The following COQ8A variants were observed in gnomAD, a reference collection of about 807,000 sequenced individuals.
The protein encoded by COQ8A is coenzyme Q8A.
Under a neutral mutation model 65.0 loss-of-function variants are expected in COQ8A, and 51 were observed. That is an observed-to-expected ratio of 0.78 (90% confidence interval 0.63 to 0.99). The LOEUF (loss-of-function observed/expected upper bound fraction) is 0.99. Ranked by LOEUF, COQ8A falls within the 50% of genes least tolerant of loss-of-function variation. The probability of loss-of-function intolerance (pLI) is 0.00; values close to 1 mark genes in which losing one functional copy is unlikely to be tolerated. For missense variants in COQ8A, 940 were observed against 875.0 expected (o/e 1.07, Z -0.94); for synonymous variants, 371 against 353.2 (o/e 1.05, Z -0.57).
At chr1:226,974,836 T>C (rs1659097454) in intron 4 of COQ8A, 2 of 152,698 alleles carry the variant, frequency 1.3e-5, no homozygotes, top group South Asian at 2.1e-4. Context: ...ATTTGTTTAA[T>C]AACAGGTCCT....
chr1:226,978,623 C>T (rs1233509718), intron 5 of COQ8A, among the ~76,000 whole-genome samples: 2 of 90,088 alleles, frequency 2.2e-5, no homozygotes, highest in Admixed American at 1.0e-4. Flanking sequence ...GCCCACCTTA[C>T]ACTCCACACA....
intron 1 of COQ8A, among the ~76,000 whole-genome samples, chr1:226,945,791 G>T (rs577778121): frequency 6.6e-6 from 1 of 152,208 alleles, no homozygotes; most frequent in African/African-American, 2.4e-5. Context: ...AGACAGGGAC[G>T]GGGGTGACGC....
intron 4 of COQ8A, among the ~76,000 whole-genome samples, chr1:226,975,963 C>A (rs2148095629): frequency 6.6e-6 from 1 of 152,332 alleles, no homozygotes; most frequent in Non-Finnish European, 1.5e-5. Context: ...TGGAAACATG[C>A]AAGCAGATGC....
chr1:226,980,966 G>A (rs374223456), intron 5 of COQ8A, among the ~76,000 whole-genome samples: 5 of 152,366 alleles, frequency 3.3e-5, no homozygotes, highest in South Asian at 2.1e-4. Context: ...CCACCCGAGC[G>A]CTGTGCCAGG....
At chr1:226,956,122 GTTCACA>G in intron 1 of COQ8A, among the ~76,000 whole-genome samples, 1 of 127,574 alleles carries the variant, frequency 7.8e-6, no homozygotes, top group African/African-American at 3.3e-5. Flanking sequence ...ACTCTCCCTG[GTTCACA>G]CTCTCCCTGG....
At chr1:226,941,550 G>A (rs1445548659) in intron 1 of COQ8A, among the ~76,000 whole-genome samples, 1 of 151,898 alleles carries the variant, frequency 6.6e-6, no homozygotes, top group African/African-American at 2.4e-5. Flanking sequence ...GTGGATCACC[G>A]TAGGTCAGGA....
At chr1:226,982,185 G>A (rs765876759) in intron 6 of COQ8A, 36 bp downstream of exon 6, 48 of 1,547,904 alleles carry the variant, frequency 3.1e-5, no homozygotes, top group East Asian at 2.2e-4. Flanking sequence ...CCGGGACTGC[G>A]TGGGCTGCTG....
At chr1:226,968,030 T>G (rs1192751821) in intron 4 of COQ8A, among the ~76,000 whole-genome samples, 1 of 152,180 alleles carries the variant, frequency 6.6e-6, no homozygotes. Context: ...AACTGTGAAA[T>G]TAATTTAATG....
chr1:226,966,071 G>A (rs966569124), intron 4 of COQ8A, among the ~76,000 whole-genome samples: 16 of 152,242 alleles, frequency 1.1e-4, no homozygotes, highest in Non-Finnish European at 2.1e-4. Context: ...ACTACCAGTC[G>A]GCTGCTTTGG....
At chr1:226,948,455 A>T (rs1449053867) in intron 1 of COQ8A, among the ~76,000 whole-genome samples, 1 of 152,134 alleles carries the variant, frequency 6.6e-6, no homozygotes, top group African/African-American at 2.4e-5. Flanking sequence ...TAACATTCAC[A>T]GGTTCTGGGG....
chr1:226,955,557 TGGCTCCCACTCCCTG>T (rs1657658629), intron 1 of COQ8A, among the ~76,000 whole-genome samples: 1 of 25,120 alleles, frequency 4.0e-5, no homozygotes, highest in Non-Finnish European at 7.8e-5. Flanking sequence ...ACACTCTCCC[TGGCTCCCACTCCCTG>T]GGTTCACACT....
At chr1:226,952,936 A>G (rs1657475960) in intron 1 of COQ8A, among the ~76,000 whole-genome samples, 1 of 152,122 alleles carries the variant, frequency 6.6e-6, no homozygotes, top group Non-Finnish European at 1.5e-5. Context: ...AAAAGGAAAG[A>G]TGATAGTTTT....
intron 5 of COQ8A, among the ~76,000 whole-genome samples, chr1:226,980,631 T>G (rs75568667): frequency 0.029 from 4,475 of 152,302 alleles, 240 homozygotes; most frequent in African/African-American, 0.1. Flanking sequence ...CCCAGCCCTC[T>G]TGGACTCGCT....
chr1:226,984,771 G>A, intron 12 of COQ8A, 105 bp from the exon 13 acceptor site: 2 of 1,489,854 alleles, frequency 1.3e-6, no homozygotes, highest in Non-Finnish European at 1.9e-6. Flanking sequence ...TCAGGGCTCT[G>A]GGAGTGGGGA....
intron 2 of COQ8A, 80 bp from the exon 3 acceptor site, chr1:226,964,920 G>A: frequency 6.5e-7 from 1 of 1,533,594 alleles, no homozygotes; most frequent in Non-Finnish European, 8.9e-7. Flanking sequence ...GTGGTGTGCT[G>A]TCCTGGGCAG....
chr1:226,965,019 A>C lies in COQ8A; in HGVS notation c.197A>C (p.Glu66Ala). Reference protein sequence around the residue: ...GKVQGQDKHEEYFAENFGGPE... With the variant: ...GKVQGQDKHEAYFAENFGGPE... ...CTGCAGGGTCAGGATAAACATGAAG[A>C]ATATTTTGCTGAGAACTTCGGCGGC... Residue 66 changes from glutamate to alanine, a missense_variant, in exon 3 of 15, where the codon GAA becomes GCA. By Grantham distance (107) the Glu-to-Ala change is moderately radical. Transcript: ENST00000366777. 5 of 1,614,064 alleles carry C rather than the reference A, an allele frequency of 3.1e-6. No homozygotes were observed. The highest frequency in any genetic ancestry group is 4.2e-6 in the Non-Finnish European group (5 of 1,180,024).
Position 226,986,749 on chromosome 1 carries a change from A to G in COQ8A, c.*12A>G. On this transcript the variant is annotated 3_prime_UTR_variant, in exon 15 of 15. Coordinates refer to ENST00000366777, the MANE Select transcript of COQ8A (RefSeq NM_020247.5). ...AGGCCCAGCAGTAGGGCTGCGGGCC[A>G]CGCCCAGGCCGGCTCCGCGGGAACT... 6.2e-7 allele frequency: 1 copy of G among 1,611,138 alleles called. No homozygotes were observed. Among genetic ancestry groups the G allele is most frequent in the East Asian group, 2.2e-5 (1 of 44,870 alleles).
chr1:226,948,472 G>A (rs1657181016), intron 1 of COQ8A, among the ~76,000 whole-genome samples: 1 of 152,186 alleles, frequency 6.6e-6, no homozygotes, highest in South Asian at 2.1e-4. Context: ...GGGGATTGTG[G>A]TATGGGTATC....
intron 1 of COQ8A, among the ~76,000 whole-genome samples, chr1:226,959,662 C>T (rs574252263): frequency 3.3e-4 from 51 of 152,242 alleles, no homozygotes; most frequent in Non-Finnish European, 6.2e-4. Flanking sequence ...ACAGGTTTTG[C>T]ATCCCAGTAT....
Sources: gnomAD v4.1 joint callset for allele counts (sites outside exome capture counted in the v4.1 genomes callset) on GRCh38, gnomAD v4.1.1 for gene constraint, MANE v1.5 for transcripts, NCBI Gene and HGNC (gene_info 2026-07-23, HGNC 2026-07-21) for gene names.